Variants in UNC5B observed in about 807,000 individuals in gnomAD.
The protein encoded by UNC5B is netrin receptor UNC5B.
UNC5B carries 56 observed loss-of-function variants against 103.7 expected under a neutral mutation model. The observed-to-expected ratio is 0.54, with a 90% CI of 0.44 to 0.67. The LOEUF (loss-of-function observed/expected upper bound fraction) is 0.67. UNC5B is among the 30% of genes least tolerant of loss of function. The pLI, the probability that UNC5B is intolerant of heterozygous loss-of-function variation, is 0.00. For synonymous variants in UNC5B, 577 were observed against 542.0 expected (o/e 1.06, Z -0.90); for missense variants, 1,194 against 1,284.5 (o/e 0.93, Z 1.08).
In UNC5B at chr10:71,226,681, T is replaced by C. The variant is rs1194540109; in HGVS notation, c.79+13617T>C. 1.3e-5 allele frequency among the ~76,000 whole-genome samples: 2 copies of C among 152,248 alleles called. 1 individual carries two copies. The highest frequency in any genetic ancestry group is 4.8e-5 in the African/African-American group (2 of 41,464). ...ATTCCATTCTCTCTTTTTAACATCA[T>C]GACCAGATCTGATTTATTGCAGGAA... On this transcript the variant is annotated intron_variant, in intron 1 of 16. Transcript: ENST00000335350.
intron 1 of UNC5B, among the ~76,000 whole-genome samples, chr10:71,220,912 C>G (rs577443566): frequency 1.3e-5 from 2 of 152,314 alleles, no homozygotes; most frequent in East Asian, 1.9e-4. Context: ...GTGCCTTTCC[C>G]TCTCTGGGTT....
rs1845398362 is a variant in UNC5B at position 71,295,896 on chromosome 10, T to C, written c.2261T>C (p.Leu754Pro). ...PLMFKDSYHN[L>P]RLSLHDLPHA... ...ATGTTCAAGGACAGTTACCACAACC[T>C]GCGCCTCTCCCTCCATGACCTCCCC... Residue 754 changes from leucine (L) to proline (P), a missense_variant, in exon 14 of 17, where the codon CTG becomes CCG. Leu to Pro is a moderately conservative substitution (Grantham distance 98). Transcript: ENST00000335350. 1.2e-6 allele frequency: 2 copies of C among 1,613,198 alleles called. No individual in the cohort carries two copies.
intron 1 of UNC5B, among the ~76,000 whole-genome samples, chr10:71,272,072 G>GT (rs1478170446): frequency 6.6e-6 from 1 of 152,142 alleles, no homozygotes; most frequent in African/African-American, 2.4e-5. Context: ...GAGGTTGTGT[G>GT]TTTTTAAAAC....
chr10:71,294,640 TG>T (rs1845360089), intron 13 of UNC5B, among the ~76,000 whole-genome samples: 1 of 151,512 alleles, frequency 6.6e-6, no homozygotes, highest in African/African-American at 2.4e-5. Context: ...CGGTGACTGA[TG>T]GGATGGGCAG....
chr10:71,215,709 G>A (rs1413497685), intron 1 of UNC5B, among the ~76,000 whole-genome samples: 1 of 152,080 alleles, frequency 6.6e-6, no homozygotes, highest in Non-Finnish European at 1.5e-5. Flanking sequence ...CCTTTCCATG[G>A]CCTCTGGCTG....
At chr10:71,228,452 T>C (rs1399090646) in intron 1 of UNC5B, among the ~76,000 whole-genome samples, 1 of 151,222 alleles carries the variant, frequency 6.6e-6, no homozygotes, top group Admixed American at 6.6e-5. Context: ...CTGAGAGAAA[T>C]ATTCCTAACA....
chr10:71,299,271 C>A lies in UNC5B; in HGVS notation c.2832C>A (p.Asp944Glu). Residue 944 changes from aspartate (D) to glutamate (E), a missense_variant, in exon 17 of 17, where the codon GAC (aspartate) becomes GAA (glutamate). Physicochemically the swap from Asp to Glu is conservative, Grantham distance 45 (BLOSUM62 2). Transcript: ENST00000335350. ...TGGTGGCTGTGGCCACCGACGGGGA[C>A]TGCTGAGCCTCCTGGGACAGCGGGC... ...EMLVAVATDG[D>E]C 6.2e-7 allele frequency: 1 copy of A among 1,613,986 alleles called. No homozygotes were observed. Among genetic ancestry groups the A allele is most frequent in the South Asian group, 1.1e-5 (1 of 91,080 alleles).
intron 1 of UNC5B, among the ~76,000 whole-genome samples, chr10:71,271,786 C>T (rs1429060316): frequency 2.6e-5 from 4 of 152,240 alleles, no homozygotes; most frequent in African/African-American, 9.6e-5. Flanking sequence ...CAGGCCCCTG[C>T]CCCAGCTGGC....
Position 71,296,758 on chromosome 10 carries a change from G to A in UNC5B, c.2490+16G>A. 2 of 1,603,194 alleles carry A rather than the reference G, an allele frequency of 1.2e-6. No homozygotes were observed. Among genetic ancestry groups the A allele is most frequent in the Non-Finnish European group, 1.7e-6 (2 of 1,177,174 alleles). ...TCTGGCAGAGGTGAGGGAAGTCGGG[G>A]CCACATATTCCAGCTGCACACCACA... is the stretch of plus-strand genomic sequence containing the variant. On this transcript the variant is annotated intron_variant, in intron 15 of 16. Coordinates refer to ENST00000335350, the MANE Select transcript of UNC5B (RefSeq NM_170744.5).
At chr10:71,255,629 G>A (rs1844273370) in intron 1 of UNC5B, among the ~76,000 whole-genome samples, 2 of 152,248 alleles carry the variant, frequency 1.3e-5, no homozygotes, top group Admixed American at 6.5e-5. Flanking sequence ...GATCTGGAAT[G>A]AGCGGAAGCC....
chr10:71,259,365 G>T (rs958099719), intron 1 of UNC5B, among the ~76,000 whole-genome samples: 17 of 144,652 alleles, frequency 1.2e-4, no homozygotes, highest in African/African-American at 3.1e-4. Flanking sequence ...TAGCCTGGGT[G>T]ATATAGCGAG....
intron 5 of UNC5B, among the ~76,000 whole-genome samples, chr10:71,287,275 T>C (rs78245157): frequency 0.059 from 8,923 of 152,260 alleles, 344 homozygotes; most frequent in South Asian, 0.09. Context: ...AGAAAGAACC[T>C]TGTGCTAGGT....
rs776916027 is a variant in UNC5B at position 71,300,029 on chromosome 10, C to CTCTGTGTG, written c.*753_*754insCTGTGTGT. On this transcript the variant is annotated 3_prime_UTR_variant, in exon 17 of 17. Coordinates refer to ENST00000335350, the MANE Select transcript of UNC5B (RefSeq NM_170744.5). ...CACTTCTGGCCAGGAGTGAATGTGC[C>CTCTGTGTG]TGTGTGTGTGTGTGTGTGTGTGTGT... 5 of 146,648 alleles carry CTCTGTGTG rather than the reference C, an allele frequency of 3.4e-5. No individual in the cohort carries two copies. The highest frequency in any genetic ancestry group is 1.3e-4 in the African/African-American group (5 of 39,810). The allele number at this position is 146,648 out of a possible 1,614,324, so 9.1% of individuals were successfully genotyped here.
intron 1 of UNC5B, among the ~76,000 whole-genome samples, chr10:71,229,065 G>T (rs1012444815): frequency 6.6e-6 from 1 of 152,188 alleles, no homozygotes; most frequent in Admixed American, 6.5e-5. Flanking sequence ...GAGTGACTGG[G>T]CGGTGAGGGA....
At chr10:71,276,682 C>T (rs1177629580) in intron 1 of UNC5B, among the ~76,000 whole-genome samples, 3 of 152,242 alleles carry the variant, frequency 2.0e-5, no homozygotes, top group Admixed American at 6.5e-5. Flanking sequence ...AGTCCACCCA[C>T]CTCGGCCTCC....
At chr10:71,265,684 C>T (rs1012862745) in intron 1 of UNC5B, among the ~76,000 whole-genome samples, 2 of 152,168 alleles carry the variant, frequency 1.3e-5, no homozygotes, top group Admixed American at 6.5e-5. Context: ...GGGAGCCGTG[C>T]GCTCCTCTTC....
intron 1 of UNC5B, among the ~76,000 whole-genome samples, chr10:71,215,806 GGTGTGT>G (rs55848098): frequency 0.23 from 34,399 of 149,510 alleles, 4,632 homozygotes; most frequent in Admixed American, 0.36. Flanking sequence ...GTCTCTGCTT[GGTGTGT>G]GTGTGTGTGT....
In UNC5B at chr10:71,301,641, G is replaced by C. The variant is rs1845586363; in HGVS notation, c.*2364G>C. On this transcript the variant is annotated 3_prime_UTR_variant, in exon 17 of 17. Transcript: ENST00000335350. ...GACCACACGTGCCGTGACAGGGGGT[G>C]CCATTCCCCTCGCAGGCTCTAATGT... 6.6e-6 allele frequency: 1 copy of C among 152,274 alleles called. No individual in the cohort carries two copies. Among genetic ancestry groups the C allele is most frequent in the Non-Finnish European group, 1.5e-5 (1 of 68,070 alleles). 9.4% of individuals were successfully genotyped at this position (152,274 alleles called of 1,614,324 possible). A position where few individuals can be genotyped will look rare whatever the true frequency, so the allele number is the denominator to read the frequency against.
rs531794055 is a variant in UNC5B at position 71,286,774 on chromosome 10, G to A, written c.638G>A (p.Arg213His). The A allele has an allele frequency of 1.3e-5, 21 of 1,614,140 alleles. No individual in the cohort carries two copies. The highest frequency in any genetic ancestry group is 1.1e-4 in the South Asian group (10 of 91,068). Residue 213 changes from arginine (R) to histidine (H), a missense_variant, in exon 5 of 17, where the codon CGC (arginine) becomes CAC (histidine). By Grantham distance (29) the Arg-to-His change is conservative. Transcript: ENST00000335350. ...ACCATCGACCACAACCTCATCATCC[G>A]CCAGGCCCGCCTGTCGGACACTGCC... ...LLTIDHNLII[R>H]QARLSDTANY... is the part of the protein sequence containing the mutation.
Sources: gnomAD v4.1 joint callset for allele counts (sites outside exome capture counted in the v4.1 genomes callset) on GRCh38, gnomAD v4.1.1 for gene constraint, MANE v1.5 for transcripts, NCBI Gene and HGNC (gene_info 2026-07-23, HGNC 2026-07-21) for gene names.